TMEM143: variants seen among roughly 807,000 people sequenced by gnomAD.
TMEM143 encodes the protein transmembrane protein 143.
TMEM143 carries 45 observed loss-of-function variants against 40.3 expected under a neutral mutation model. The observed-to-expected ratio is 1.12, with a 90% CI of 0.88 to 1.43. The LOEUF (loss-of-function observed/expected upper bound fraction) is 1.43. Ranked by LOEUF, TMEM143 falls within the 40% of genes most tolerant of loss-of-function variation. TMEM143 has a pLI of 0.00. For missense variants in TMEM143, 620 were observed against 613.4 expected (o/e 1.01, Z -0.11); for synonymous variants, 299 against 282.7 (o/e 1.06, Z -0.58).
chr19:48,362,180 G>A (rs1970057578), intron 2 of TMEM143, among the ~76,000 whole-genome samples: 1 of 152,144 alleles, frequency 6.6e-6, no homozygotes, highest in African/African-American at 2.4e-5. Context: ...GTGTGTATTT[G>A]TGTGTGTATC....
At chr19:48,348,260 A>G (rs1307087769) in intron 3 of TMEM143, among the ~76,000 whole-genome samples, 5 of 152,246 alleles carry the variant, frequency 3.3e-5, no homozygotes, top group Admixed American at 3.3e-4. Context: ...GAAACTTCAC[A>G]TCCTCCCAGG....
intron 3 of TMEM143, among the ~76,000 whole-genome samples, chr19:48,347,648 C>A (rs1040654600): frequency 7.3e-5 from 11 of 151,532 alleles, no homozygotes; most frequent in African/African-American, 2.7e-4. Flanking sequence ...CCTCTGCCTC[C>A]CAGGTTCAAG....
At chr19:48,343,808 A>C (rs1253686113) in intron 4 of TMEM143, among the ~76,000 whole-genome samples, 1 of 152,222 alleles carries the variant, frequency 6.6e-6, no homozygotes, top group Non-Finnish European at 1.5e-5. Flanking sequence ...ATGACAAAAC[A>C]TGACTTTGGA....
intron 6 of TMEM143, among the ~76,000 whole-genome samples, chr19:48,340,121 A>AT (rs11369636): frequency 0.45 from 44,125 of 98,216 alleles, 9,555 homozygotes; most frequent in South Asian, 0.56. Context: ...GTCAACTGGG[A>AT]TTTTTTTTTT....
intron 5 of TMEM143, 36 bp downstream of exon 5, chr19:48,343,285 C>G: frequency 6.3e-7 from 1 of 1,600,000 alleles, no homozygotes; most frequent in South Asian, 1.1e-5. Context: ...AACCTTGCTC[C>G]CTCTTGCTGC....
intron 6 of TMEM143, among the ~76,000 whole-genome samples, chr19:48,339,641 T>C (rs953069879): frequency 6.6e-6 from 1 of 151,940 alleles, no homozygotes; most frequent in African/African-American, 2.4e-5. Flanking sequence ...GGGCTTGCAA[T>C]GAAGACAGAG....
chr19:48,333,495 A>T lies in TMEM143; in HGVS notation c.1166-62T>A, dbSNP rs1969267027. The T allele has an allele frequency of 3.3e-6, 4 of 1,201,338 alleles. No individual in the cohort carries two copies. The South Asian group carries it at 5.6e-5, about 17-fold the overall frequency. The allele number at this position is 1,201,338 out of a possible 1,614,324, so 74.4% of individuals were successfully genotyped here. On this transcript the variant is annotated intron_variant, in intron 7 of 7. Transcript: ENST00000293261. The surrounding 1 kb of genome is among the most constrained non-coding windows in gnomAD (Gnocchi z 4.1). ...GAGATCGGGGAAGATTCGAGGGAGC[A>T]GCAAGGAGGGGCGTAGGGCAAAGAA...
chr19:48,353,322 G>T (rs888624292), intron 3 of TMEM143, among the ~76,000 whole-genome samples: 1 of 151,792 alleles, frequency 6.6e-6, no homozygotes, highest in African/African-American at 2.4e-5. Flanking sequence ...TGGGATTACA[G>T]GCGCCAGCCA....
chr19:48,353,706 A>G (rs1032722670), intron 3 of TMEM143, among the ~76,000 whole-genome samples: 2 of 151,842 alleles, frequency 1.3e-5, no homozygotes, highest in African/African-American at 2.4e-5. Flanking sequence ...GGTAGAATTA[A>G]GGTAAAGATA....
In TMEM143 at chr19:48,334,124, T is replaced by C. The variant is rs140710710; in HGVS notation, c.1049A>G (p.Asn350Ser). Reference sequence around the variant, plus strand: ...GGCCAGGGCGCTGAGCAGCTCCGAGTTGTTGGACGTACTGCGATAGTACAG... The same window carrying C: ...GGCCAGGGCGCTGAGCAGCTCCGAGCTGTTGGACGTACTGCGATAGTACAG... Reference protein sequence around the residue: ...HMLYYRSTSNNSELLSALALR... With the variant: ...HMLYYRSTSNSSELLSALALR... The change falls in exon 7 of 8, where the codon AAC (asparagine) becomes AGC (serine). Residue 350 changes from asparagine (N) to serine (S), a missense_variant. Transcript: ENST00000293261. 2.0e-5 allele frequency: 32 copies of C among 1,606,158 alleles called. No homozygotes were observed. The highest frequency in any genetic ancestry group is 1.6e-4 in the East Asian group (7 of 44,562).
intron 2 of TMEM143, 175 bp from the exon 3 acceptor site, chr19:48,360,351 G>C: frequency 3.4e-6 from 2 of 594,066 alleles, no homozygotes; most frequent in South Asian, 3.7e-5. Flanking sequence ...GGCCGAGGCA[G>C]TGGATCACTT....
rs562174091 is a variant in TMEM143, at chr19:48,363,769, T to C, written c.23+129A>G. On this transcript the variant is annotated intron_variant, in intron 1 of 7. Coordinates refer to ENST00000293261, the MANE Select transcript of TMEM143 (RefSeq NM_018273.4). ...TTTTTCAGGCCCAGAGACCCTGTAG[T>C]GGTACAACGTTTCTTTGGGGTCTAG... 50 of 1,503,236 alleles carry C rather than the reference T, an allele frequency of 3.3e-5. 1 individual carries two copies. In the African/African-American group the frequency reaches 6.8e-4, roughly 20 times the overall value. 93.1% of individuals were successfully genotyped at this position (1,503,236 alleles called of 1,614,324 possible). A position where few individuals can be genotyped will look rare whatever the true frequency, so the allele number is the denominator to read the frequency against.
At chr19:48,357,414 C>T (rs1305162472) in intron 3 of TMEM143, among the ~76,000 whole-genome samples, 3 of 140,482 alleles carry the variant, frequency 2.1e-5, no homozygotes, top group Non-Finnish European at 4.5e-5. Context: ...AGTGCGGTGG[C>T]GCAATCTTGG....
chr19:48,342,530 C>T lies in TMEM143; in HGVS notation c.975G>A (p.Lys325=), dbSNP rs776797547. The change falls in exon 6 of 8, where the codon AAG becomes AAA. Residue 325 remains lysine, a splice_region_variant and synonymous_variant. Transcript: ENST00000293261. The stretch of plus-strand genomic sequence containing the variant: ...GGAGGCGTGGCAGGCGCATGCTCAC[C>T]TTGGAGGCCCGCAGGCCCATGAAGA... ...FAIFMGLRAS[K]MFGQRRSAQA... 5.6e-6 allele frequency: 9 copies of T among 1,604,182 alleles called. No individual in the cohort carries two copies. Among genetic ancestry groups the T allele is most frequent in the Non-Finnish European group, 7.6e-6 (9 of 1,176,832 alleles).
At chr19:48,357,349 C>CTTTTT (rs1195099137) in intron 3 of TMEM143, among the ~76,000 whole-genome samples, 12 of 74,832 alleles carry the variant, frequency 1.6e-4, no homozygotes, top group East Asian at 4.1e-4. Flanking sequence ...GTCTATCTTT[C>CTTTTT]TTTTTTTTTT....
At chr19:48,339,552 T>C (rs1470257929) in intron 6 of TMEM143, among the ~76,000 whole-genome samples, 1 of 152,084 alleles carries the variant, frequency 6.6e-6, no homozygotes, top group African/African-American at 2.4e-5. Context: ...AGCTGGACTC[T>C]GGGCTCATGG....
At chr19:48,334,532 TTTTC>T (rs1969322536) in intron 6 of TMEM143, among the ~76,000 whole-genome samples, 1 of 148,848 alleles carries the variant, frequency 6.7e-6, no homozygotes, top group Admixed American at 6.7e-5. Context: ...TCTTTCTTTC[TTTTC>T]TTTTCTTTCT....
chr19:48,348,242 C>T (rs1312896246), intron 3 of TMEM143, among the ~76,000 whole-genome samples: 3 of 152,156 alleles, frequency 2.0e-5, no homozygotes. Context: ...GAGCCAGATT[C>T]TCTTCTGGAA....
intron 3 of TMEM143, among the ~76,000 whole-genome samples, chr19:48,356,547 AG>A: frequency 6.7e-6 from 1 of 148,374 alleles, no homozygotes; most frequent in Admixed American, 6.8e-5. Context: ...CTCCTGCCTC[AG>A]CCTCCCAAGT....
Sources: gnomAD v4.1 joint callset for allele counts (sites outside exome capture counted in the v4.1 genomes callset) on GRCh38, gnomAD v4.1.1 for gene constraint, Gnocchi (gnomAD v3.1) non-coding constraint, MANE v1.5 for transcripts, NCBI Gene and HGNC (gene_info 2026-07-23, HGNC 2026-07-21) for gene names.